GCNT2: variants seen among roughly 807,000 people sequenced by gnomAD.
GCNT2 encodes N-acetyllactosaminide beta-1,6-N-acetylglucosaminyl-transferase.
Under a neutral mutation model 34.2 loss-of-function variants are expected in GCNT2, and 34 were observed. That is an observed-to-expected ratio of 1.00 (90% CI 0.76 to 1.32). GCNT2 has a LOEUF of 1.32. Among genes scored for constraint, GCNT2 ranks in the 40% most tolerant of loss-of-function variants. GCNT2 has a pLI of 0.00. For synonymous variants in GCNT2, 212 were observed against 188.0 expected, an observed-to-expected ratio of 1.13 and a Z score of -1.04; for missense variants, 584 against 489.4, an observed-to-expected ratio of 1.19 and a Z score of -1.82.
chr6:10,602,071 A>G (rs1314804060), intron 3 of GCNT2, among the ~76,000 whole-genome samples: 1 of 152,226 alleles, frequency 6.6e-6, no homozygotes, highest in Non-Finnish European at 1.5e-5. Context: ...AAACCACTGA[A>G]GAGGCCAACA....
intron 3 of GCNT2, among the ~76,000 whole-genome samples, chr6:10,539,478 T>A (rs1183374759): frequency 2.6e-5 from 4 of 152,064 alleles, no homozygotes; most frequent in African/African-American, 9.7e-5. Flanking sequence ...CGTGAGCCAC[T>A]GCGCCCGGCC....
intron 3 of GCNT2, chr6:10,556,864 C>A (rs764556134): frequency 1.9e-6 from 3 of 1,614,056 alleles, no homozygotes; most frequent in Non-Finnish European, 2.5e-6. Flanking sequence ...GCTTCCCAAA[C>A]GCTTTTCTGG....
At chr6:10,523,805 T>C (rs1247438894) in intron 1 of GCNT2, among the ~76,000 whole-genome samples, 1 of 151,794 alleles carries the variant, frequency 6.6e-6, no homozygotes, top group Non-Finnish European at 1.5e-5. Flanking sequence ...ACCCCGTCTC[T>C]ATTAAAAATA....
intron 3 of GCNT2, among the ~76,000 whole-genome samples, chr6:10,600,724 C>G (rs923913247): frequency 6.6e-6 from 1 of 152,142 alleles, no homozygotes; most frequent in Non-Finnish European, 1.5e-5. Context: ...ACAAGGTGCT[C>G]GTGAGGGTCT....
chr6:10,604,883 G>GAA (rs1765243409), intron 3 of GCNT2, among the ~76,000 whole-genome samples: 2 of 131,184 alleles, frequency 1.5e-5, no homozygotes, highest in Admixed American at 7.7e-5. Flanking sequence ...GAAAAAGAAA[G>GAA]AAAAATGTAT....
intron 3 of GCNT2, among the ~76,000 whole-genome samples, chr6:10,595,426 C>T (rs566360073): frequency 6.6e-6 from 1 of 152,048 alleles, no homozygotes; most frequent in South Asian, 2.1e-4. Flanking sequence ...TATAGGTGCC[C>T]GCCACCACAC....
intron 3 of GCNT2, among the ~76,000 whole-genome samples, chr6:10,562,783 C>A (rs190195212): frequency 4.6e-5 from 7 of 151,728 alleles, no homozygotes; most frequent in Non-Finnish European, 1.0e-4. Flanking sequence ...AAGCCAAGGG[C>A]TGGGGACAGG....
At chr6:10,600,271 G>C (rs1374457820) in intron 3 of GCNT2, among the ~76,000 whole-genome samples, 2 of 152,194 alleles carry the variant, frequency 1.3e-5, no homozygotes, top group Admixed American at 1.3e-4. Context: ...TGGGAAAAGA[G>C]TGCATATCAA....
At chr6:10,534,972 T>G (rs1165124563) in intron 3 of GCNT2, among the ~76,000 whole-genome samples, 1 of 151,982 alleles carries the variant, frequency 6.6e-6, no homozygotes, top group Non-Finnish European at 1.5e-5. Flanking sequence ...TCACCTGAGG[T>G]CAGAAGTTTG....
intron 3 of GCNT2, among the ~76,000 whole-genome samples, chr6:10,594,847 A>G (rs1209034257): frequency 6.7e-6 from 1 of 150,130 alleles, no homozygotes; most frequent in African/African-American, 2.4e-5. Context: ...GGTGGATACC[A>G]GTTCCTTTTT....
At chr6:10,606,787 A>G (rs1463411619) in intron 3 of GCNT2, among the ~76,000 whole-genome samples, 2 of 151,754 alleles carry the variant, frequency 1.3e-5, no homozygotes, top group Middle Eastern at 3.2e-3. Flanking sequence ...TCATCACTAA[A>G]CTCAATACTC....
At chr6:10,545,129 C>A (rs1023480705) in intron 3 of GCNT2, among the ~76,000 whole-genome samples, 1 of 151,848 alleles carries the variant, frequency 6.6e-6, no homozygotes, top group Non-Finnish European at 1.5e-5. Flanking sequence ...CCCCCCAGCC[C>A]CCTCCTTTCT....
intron 3 of GCNT2, among the ~76,000 whole-genome samples, chr6:10,571,686 C>G (rs1763562445): frequency 6.6e-6 from 1 of 152,116 alleles, no homozygotes; most frequent in Non-Finnish European, 1.5e-5. Flanking sequence ...TCATGTTCTC[C>G]CATTATTGTT....
chr6:10,609,212 C>T (rs55843400), intron 3 of GCNT2, among the ~76,000 whole-genome samples: 18,593 of 152,140 alleles, frequency 0.12, 1,741 homozygotes, highest in African/African-American at 0.26. Context: ...AGAGGTTTAT[C>T]TGGCTCCTGA....
intron 3 of GCNT2, among the ~76,000 whole-genome samples, chr6:10,567,957 T>G (rs1040708959): frequency 6.6e-6 from 1 of 152,232 alleles, no homozygotes; most frequent in African/African-American, 2.4e-5. Flanking sequence ...TCTGTTCTTT[T>G]CATCTTCTTG....
chr6:10,560,905 C>T (rs1581407200), intron 3 of GCNT2, among the ~76,000 whole-genome samples: 1 of 152,270 alleles, frequency 6.6e-6, no homozygotes, highest in Admixed American at 6.5e-5. Context: ...AAGTGGTTGT[C>T]CTTCTCTTCT....
At chr6:10,609,277 A>G (rs60349803) in intron 3 of GCNT2, among the ~76,000 whole-genome samples, 18,635 of 152,226 alleles carry the variant, frequency 0.12, 1,761 homozygotes, top group African/African-American at 0.26. Flanking sequence ...GAAGGCGTTC[A>G]TGCTGCATCA....
intron 3 of GCNT2, among the ~76,000 whole-genome samples, chr6:10,601,296 T>G (rs1218583370): frequency 6.6e-6 from 1 of 152,186 alleles, no homozygotes; most frequent in Non-Finnish European, 1.5e-5. Context: ...AAACTTGTAC[T>G]TTTATTACCT....
chr6:10,569,252 C>CAA (rs1763425523), intron 3 of GCNT2, among the ~76,000 whole-genome samples: 1 of 148,884 alleles, frequency 6.7e-6, no homozygotes, highest in African/African-American at 2.5e-5. Context: ...CACACACACA[C>CAA]ACACACACAC....
Sources: allele counts gnomAD v4.1 joint callset (sites outside exome capture counted in the v4.1 genomes callset), GRCh38; gene constraint gnomAD v4.1.1; transcripts MANE v1.5; gene names NCBI Gene and HGNC (gene_info 2026-07-23, HGNC 2026-07-21).